The following VWF variants were observed in gnomAD, a reference collection of about 807,000 sequenced individuals.
The protein encoded by VWF is Factor VIII related antigen.
A neutral mutation model predicts 308.6 loss-of-function variants in VWF; 176 were observed. The ratio of observed to expected loss-of-function variants is 0.57; its 90% CI spans 0.50 to 0.65. The LOEUF is 0.65. VWF is among the 30% of genes least tolerant of loss of function. The probability of loss-of-function intolerance (pLI) is 0.00; values close to 1 mark genes in which losing one functional copy is unlikely to be tolerated. For missense variants in VWF, 3,146 were observed against 3,648.2 expected (o/e 0.86, Z 3.55); for synonymous variants, 1,385 against 1,443.4 (o/e 0.96, Z 0.92).
intron 5 of VWF, among the ~76,000 whole-genome samples, chr12:6,098,971 C>G (rs574269462): frequency 6.6e-6 from 1 of 151,690 alleles, no homozygotes; most frequent in Non-Finnish European, 1.5e-5. Context: ...AGCTGGGACC[C>G]TTAAAGGATG....
intron 40 of VWF, among the ~76,000 whole-genome samples, chr12:5,984,789 T>A (rs1012230778): frequency 1.3e-5 from 2 of 152,220 alleles, no homozygotes; most frequent in African/African-American, 4.8e-5. Context: ...ATCTCCATAG[T>A]CCCCAGTAAT....
chr12:6,011,539 T>C (rs923940835), intron 34 of VWF, 78 bp downstream of exon 34: 464 of 1,344,498 alleles, frequency 3.5e-4, no homozygotes, highest in Non-Finnish European at 4.4e-4. Flanking sequence ...GGTGGGTGCC[T>C]GCTCTACTTT....
At chr12:6,062,916 C>T (rs774925186) in intron 13 of VWF, 38 bp downstream of exon 13, 34 of 1,552,846 alleles carry the variant, frequency 2.2e-5, no homozygotes, top group African/African-American at 5.4e-5. Flanking sequence ...TTGTAAGGGT[C>T]GGGCCGCAGG....
At chr12:6,068,005 G>T (rs1034741601) in intron 10 of VWF, among the ~76,000 whole-genome samples, 1 of 151,754 alleles carries the variant, frequency 6.6e-6, no homozygotes, top group African/African-American at 2.4e-5. Context: ...TGTGGTGGCA[G>T]GTGCCTGTAA....
intron 6 of VWF, among the ~76,000 whole-genome samples, chr12:6,078,905 T>C (rs933434855): frequency 6.6e-6 from 1 of 152,212 alleles, no homozygotes; most frequent in Non-Finnish European, 1.5e-5. Flanking sequence ...CCTGGAGGCA[T>C]TAAATGGCTT....
intron 47 of VWF, chr12:5,953,999 C>A (rs7969672): frequency 0.22 from 46,694 of 214,588 alleles, 6,716 homozygotes; most frequent in African/African-American, 0.43. Flanking sequence ...GTCTTTCAAA[C>A]AAGAAATCTG....
chr12:5,969,078 A>T (rs1943438584), intron 45 of VWF, 133 bp downstream of exon 45: 5 of 978,290 alleles, frequency 5.1e-6, no homozygotes, highest in Non-Finnish European at 1.6e-6. Flanking sequence ...AAGCAGTAGG[A>T]GCAGATGGGA....
At chr12:6,109,282 C>T (rs1945278068) in intron 5 of VWF, among the ~76,000 whole-genome samples, 1 of 149,788 alleles carries the variant, frequency 6.7e-6, no homozygotes, top group Non-Finnish European at 1.5e-5. Context: ...TATATACACA[C>T]ACATATATAA....
chr12:6,008,271 A>G (rs1482899934), intron 34 of VWF, among the ~76,000 whole-genome samples: 4 of 152,196 alleles, frequency 2.6e-5, no homozygotes. Context: ...AAAATTCTCA[A>G]CAAAATGACA....
In VWF at chr12:5,967,538, A is replaced by T. The variant is rs753701276; in HGVS notation, c.7835T>A (p.Ile2612Asn). 6.2e-7 allele frequency: 1 copy of T among 1,614,052 alleles called. No individual in the cohort carries two copies. Among genetic ancestry groups the T allele is most frequent in the Non-Finnish European group, 8.5e-7 (1 of 1,180,014 alleles). ...TCRCMVQVGV[I>N]SGFKLECRKT... ...CCTGCACTCCAGCTTGAATCCAGAG[A>T]TGACCCCCACCTGCACCATGCAGCG... is the stretch of plus-strand genomic sequence containing the variant. Residue 2612 changes from isoleucine (I) to asparagine (N), a missense_variant, in exon 47 of 52, where the codon ATC becomes AAC. Around this residue, in one of 3 missense-constraint regions of VWF, gnomAD observed 989 missense variants for 1,117.4 expected, o/e 0.89. Transcript: ENST00000261405.
chr12:6,116,804 ACTTTTC>A (rs1205061448), intron 3 of VWF, among the ~76,000 whole-genome samples: 1 of 152,162 alleles, frequency 6.6e-6, no homozygotes, highest in East Asian at 1.9e-4. Context: ...GTACATAAAC[ACTTTTC>A]CCAGGATATG....
At chr12:6,029,728 GT>G (rs1251009188) in intron 21 of VWF, among the ~76,000 whole-genome samples, 6 of 152,142 alleles carry the variant, frequency 3.9e-5, no homozygotes, top group Non-Finnish European at 7.3e-5. Flanking sequence ...GGTAACAGAG[GT>G]AGCAGCAAAA....
chr12:6,032,400 G>A (rs1249595032), intron 20 of VWF, among the ~76,000 whole-genome samples: 1 of 151,732 alleles, frequency 6.6e-6, no homozygotes, highest in Non-Finnish European at 1.5e-5. Context: ...AGCACTTTGG[G>A]AGGCTGAGGC....
At chr12:5,964,035 G>T (rs181955602) in intron 47 of VWF, among the ~76,000 whole-genome samples, 7 of 151,968 alleles carry the variant, frequency 4.6e-5, no homozygotes, top group African/African-American at 1.7e-4. Context: ...GTGAAACCCC[G>T]TCTCTACTAA....
chr12:6,085,812 A>G (rs1222775450), intron 6 of VWF, among the ~76,000 whole-genome samples: 1 of 152,176 alleles, frequency 6.6e-6, no homozygotes, highest in Non-Finnish European at 1.5e-5. Flanking sequence ...ATGGGTTGAT[A>G]GGTGCAGCAA....
chr12:6,008,790 A>G (rs991529690), intron 34 of VWF, among the ~76,000 whole-genome samples: 1 of 152,240 alleles, frequency 6.6e-6, no homozygotes, highest in Non-Finnish European at 1.5e-5. Flanking sequence ...AAAATTTGTT[A>G]GCAAATTCAG....
At chr12:6,118,911 A>G (rs1478703039) in intron 3 of VWF, among the ~76,000 whole-genome samples, 1 of 152,110 alleles carries the variant, frequency 6.6e-6, no homozygotes, top group Non-Finnish European at 1.5e-5. Flanking sequence ...CCCCAGCTGC[A>G]GCCTCTGAAG....
At chr12:6,051,934 T>A (rs753372400) in intron 16 of VWF, among the ~76,000 whole-genome samples, 3 of 152,192 alleles carry the variant, frequency 2.0e-5, no homozygotes, top group Non-Finnish European at 4.4e-5. Flanking sequence ...AGACCACCAA[T>A]TCTTAGCCAG....
chr12:6,058,695 T>C lies in VWF; in HGVS notation c.1534-651A>G, dbSNP rs1430915881. ...GGGTGATGATGGATAGGAGTAGGAGTCTGCAGAGGCTCTGAGGCAGCCTGC... is the reference window on the plus strand; with the variant it reads ...GGGTGATGATGGATAGGAGTAGGAGCCTGCAGAGGCTCTGAGGCAGCCTGC... On this transcript the variant is annotated intron_variant, in intron 13 of 51. Transcript: ENST00000261405. This position sits in a 1 kb window ranked among gnomAD's most constrained non-coding sequence, Gnocchi z 4.9. Among the ~76,000 whole-genome samples, 2 of 151,758 alleles carry C rather than the reference T, an allele frequency of 1.3e-5. No individual in the cohort carries two copies. Among genetic ancestry groups the C allele is most frequent in the African/African-American group, 4.8e-5 (2 of 41,268 alleles).
Sources: gnomAD v4.1 joint callset for allele counts (sites outside exome capture counted in the v4.1 genomes callset) on GRCh38, gnomAD v4.1.1 for gene constraint, gnomAD v4.1.1 regional missense constraint, Gnocchi (gnomAD v3.1) non-coding constraint, MANE v1.5 for transcripts, NCBI Gene and HGNC (gene_info 2026-07-23, HGNC 2026-07-21) for gene names.